Variants in PCDHA12 observed in about 807,000 individuals in gnomAD.
PCDHA12 encodes the protein protocadherin alpha-12.
Under a neutral mutation model 60.0 loss-of-function variants are expected in PCDHA12, and 44 were observed. The observed-to-expected ratio is 0.73, with a 90% CI of 0.58 to 0.94. The LOEUF (loss-of-function observed/expected upper bound fraction) is 0.94, where lower values mean the gene tolerates loss of function less well. Among genes scored for constraint, PCDHA12 ranks in the 40% least tolerant of loss-of-function variants. The probability of loss-of-function intolerance (pLI) is 0.00; values close to 1 mark genes in which losing one functional copy is unlikely to be tolerated. For missense variants in PCDHA12, 1,276 were observed against 1,239.7 expected, an observed-to-expected ratio of 1.03 and a Z score of -0.44; for synonymous variants, 569 against 553.0, an observed-to-expected ratio of 1.03 and a Z score of -0.40.
intron 3 of PCDHA12, among the ~76,000 whole-genome samples, chr5:140,990,425 T>G (rs1268987059): frequency 6.6e-6 from 1 of 152,214 alleles, no homozygotes; most frequent in Non-Finnish European, 1.5e-5. Context: ...CAACCAGCAT[T>G]GACCCAATCT....
rs562721543 is a variant in PCDHA12, at chr5:140,968,426, A to G, written c.2368-10523A>G. ...CTTTGTGACTGTGGAGGCTCAGGAC[A>G]AGGGGAGCCCACCACTGAGCAGCAC... On this transcript the variant is annotated intron_variant, in intron 1 of 3. Transcript: ENST00000398631. 135 of 1,614,020 alleles carry G rather than the reference A, an allele frequency of 8.4e-5. 2 individuals carry two copies. In the South Asian group the frequency reaches 1.4e-3, roughly 16 times the overall value.
At chr5:140,970,567 T>G (rs558796957) in intron 1 of PCDHA12, among the ~76,000 whole-genome samples, 7 of 152,284 alleles carry the variant, frequency 4.6e-5, no homozygotes, top group African/African-American at 1.7e-4. Context: ...TCCATATGTA[T>G]GCTTGAAATA....
At chr5:140,955,438 A>C (rs975663366) in intron 1 of PCDHA12, among the ~76,000 whole-genome samples, 2 of 151,994 alleles carry the variant, frequency 1.3e-5, no homozygotes, top group African/African-American at 4.8e-5. Context: ...ATTAGGTCTG[A>C]TGGTTTTATA....
intron 1 of PCDHA12, among the ~76,000 whole-genome samples, chr5:140,961,949 T>G (rs868952671): frequency 2.0e-5 from 3 of 151,876 alleles, no homozygotes; most frequent in Non-Finnish European, 4.4e-5. Context: ...AGTGGCATGA[T>G]CTCGGCTCAC....
chr5:140,986,401 C>T (rs782437347), intron 3 of PCDHA12, among the ~76,000 whole-genome samples: 1 of 152,172 alleles, frequency 6.6e-6, no homozygotes. Context: ...GCCAGTCGCT[C>T]ATGTTACAGC....
chr5:140,883,332 T>A, intron 1 of PCDHA12: 1 of 1,614,174 alleles, frequency 6.2e-7, no homozygotes, highest in East Asian at 2.2e-5. Context: ...ATCACTTCTT[T>A]GTCACTCCCC....
At chr5:140,985,096 C>G (rs1486346952) in intron 3 of PCDHA12, among the ~76,000 whole-genome samples, 1 of 152,096 alleles carries the variant, frequency 6.6e-6, no homozygotes, top group Non-Finnish European at 1.5e-5. Context: ...TGCCACCAAG[C>G]CTGGCTAATT....
At chr5:140,992,131 T>C (rs1554252686) in intron 3 of PCDHA12, among the ~76,000 whole-genome samples, 1 of 151,874 alleles carries the variant, frequency 6.6e-6, no homozygotes, top group African/African-American at 2.4e-5. Flanking sequence ...GAACAGTGAC[T>C]GATGATGCTA....
Position 140,885,214 on chromosome 5 carries a change from T to A in PCDHA12, c.2367+7375T>A, listed in dbSNP as rs550824585. On this transcript the variant is annotated intron_variant, in intron 1 of 3. Coordinates refer to ENST00000398631, the MANE Select transcript of PCDHA12 (RefSeq NM_018903.4). ...CCCCTCTCATATATCCCATGAAAAATATCTTGTGATTCTGCTTTCAATTTT... is the reference window on the plus strand; with the variant it reads ...CCCCTCTCATATATCCCATGAAAAAAATCTTGTGATTCTGCTTTCAATTTT... Among the ~76,000 whole-genome samples the A allele has an allele frequency of 2.8e-3, 423 of 152,168 alleles. 2 individuals carry two copies. The highest frequency in any genetic ancestry group is 0.014 in the Middle Eastern group (4 of 294).
chr5:140,884,350 G>A, intron 1 of PCDHA12: 1 of 1,613,918 alleles, frequency 6.2e-7, no homozygotes, highest in South Asian at 1.1e-5. Flanking sequence ...CGGCGCTGGT[G>A]GATGTCAATG....
intron 1 of PCDHA12, among the ~76,000 whole-genome samples, chr5:140,937,181 G>A (rs573153234): frequency 5.3e-5 from 8 of 151,984 alleles, no homozygotes; most frequent in African/African-American, 1.9e-4. Context: ...GGGACTACAG[G>A]CGCCCGCCAC....
chr5:140,955,975 A>G (rs2095244010), intron 1 of PCDHA12, among the ~76,000 whole-genome samples: 1 of 152,112 alleles, frequency 6.6e-6, no homozygotes, highest in Admixed American at 6.6e-5. Flanking sequence ...TAGGAATGCT[A>G]GCAATTTTTG....
At chr5:141,000,643 G>A (rs2097954450) in intron 3 of PCDHA12, among the ~76,000 whole-genome samples, 1 of 151,102 alleles carries the variant, frequency 6.6e-6, no homozygotes, top group Non-Finnish European at 1.5e-5. Context: ...GGGCAGGCTG[G>A]TCTCGAACTC....
intron 1 of PCDHA12, chr5:140,969,437 T>C (rs1429370144): frequency 1.8e-5 from 28 of 1,547,818 alleles, no homozygotes; most frequent in Non-Finnish European, 2.4e-5. Context: ...ACAAGAGTTA[T>C]CTGGTAAACT....
intron 1 of PCDHA12, chr5:140,881,384 G>T (rs1299609025): frequency 2.0e-6 from 2 of 984,186 alleles, no homozygotes; most frequent in Non-Finnish European, 2.4e-6. Flanking sequence ...GCCGGCGGCG[G>T]TAAGTTAAAT....
chr5:140,881,301 A>C (rs1432436745), intron 1 of PCDHA12: 2 of 957,940 alleles, frequency 2.1e-6, no homozygotes, highest in Admixed American at 1.2e-4. Context: ...TGGAAACTTT[A>C]ACCTCCTGGT....
chr5:140,919,097 C>T lies in PCDHA12; in HGVS notation c.2367+41258C>T, dbSNP rs531325561. Among the ~76,000 whole-genome samples the T allele has an allele frequency of 5.3e-5, 8 of 152,242 alleles. No homozygotes were observed. The South Asian group carries it at 1.7e-3, about 32-fold the overall frequency. ...TATGACTATTGAATTGTCTATTTCT[C>T]CCTTCATTTCTGCCAGTTTTTGCTT... On this transcript the variant is annotated intron_variant, in intron 1 of 3. Coordinates refer to ENST00000398631, the MANE Select transcript of PCDHA12 (RefSeq NM_018903.4).
rs200493520 is a variant in PCDHA12 at position 140,928,140 on chromosome 5, G to T, written c.2367+50301G>T. ...TCAGTGAATACCAAGTCCTGATCAC[G>T]GCCTCAGATAGTGGCTCACCCCCAC... On this transcript the variant is annotated intron_variant, in intron 1 of 3. Transcript: ENST00000398631. The T allele has an allele frequency of 2.5e-6, 4 of 1,614,154 alleles. No homozygotes were observed. In the East Asian group the frequency reaches 6.7e-5, roughly 27 times the overall value.
chr5:140,982,265 G>A lies in PCDHA12; in HGVS notation c.2427-210G>A, dbSNP rs2096974278. ...ATAAAGATAGAACATGTGTGTTCCT[G>A]GAATAGTATAGCAGGCAATAAGTAA... On this transcript the variant is annotated intron_variant, in intron 2 of 3. Transcript: ENST00000398631. 7 of 870,768 alleles carry A rather than the reference G, an allele frequency of 8.0e-6. No individual in the cohort carries two copies. In the Admixed American group the frequency reaches 1.6e-4, roughly 20 times the overall value. 53.9% of individuals were successfully genotyped at this position (870,768 alleles called of 1,614,324 possible).
Sources: gnomAD v4.1 joint callset for allele counts (sites outside exome capture counted in the v4.1 genomes callset) on GRCh38, gnomAD v4.1.1 for gene constraint, MANE v1.5 for transcripts, NCBI Gene and HGNC (gene_info 2026-07-23, HGNC 2026-07-21) for gene names.